The following MOB3B variants were observed in gnomAD, a reference collection of about 807,000 sequenced individuals.
MOB3B encodes the protein MOB kinase activator-like 2B.
MOB3B carries 7 observed loss-of-function variants against 18.7 expected under a neutral mutation model. That is an observed-to-expected ratio of 0.37 (90% CI 0.21 to 0.70). The LOEUF (loss-of-function observed/expected upper bound fraction) is 0.70. Ranked by LOEUF, MOB3B falls within the 30% of genes least tolerant of loss-of-function variation. The pLI is 0.52. For synonymous variants in MOB3B, 111 were observed against 99.9 expected (o/e 1.11, Z -0.66); for missense variants, 253 against 281.3 (o/e 0.90, Z 0.72).
intron 2 of MOB3B, among the ~76,000 whole-genome samples, chr9:27,370,689 T>C (rs1587162210): frequency 6.6e-6 from 1 of 152,106 alleles, no homozygotes; most frequent in Admixed American, 6.5e-5. Flanking sequence ...AAATAAACAT[T>C]TGTTGTTTAT....
At chr9:27,342,626 C>G (rs1192801147) in intron 3 of MOB3B, among the ~76,000 whole-genome samples, 1 of 152,206 alleles carries the variant, frequency 6.6e-6, no homozygotes, top group Non-Finnish European at 1.5e-5. Flanking sequence ...GCCGCCACAC[C>G]TGACTGGTTT....
At chr9:27,341,235 ACAT>A in intron 3 of MOB3B, among the ~76,000 whole-genome samples, 1 of 152,356 alleles carries the variant, frequency 6.6e-6, no homozygotes, top group South Asian at 2.1e-4. Flanking sequence ...ACTCTTAATG[ACAT>A]GCAAGAAACG....
At chr9:27,356,260 G>A (rs985266063) in intron 3 of MOB3B, among the ~76,000 whole-genome samples, 1 of 152,120 alleles carries the variant, frequency 6.6e-6, no homozygotes, top group Non-Finnish European at 1.5e-5. Context: ...GTATACTATT[G>A]CAAGCAAGAT....
intron 2 of MOB3B, among the ~76,000 whole-genome samples, chr9:27,427,906 C>T (rs754399761): frequency 2.0e-5 from 3 of 152,092 alleles, no homozygotes; most frequent in Non-Finnish European, 4.4e-5. Context: ...CCCACCTGGC[C>T]CTATCTTGCC....
At chr9:27,409,677 A>C (rs1282853685) in intron 2 of MOB3B, among the ~76,000 whole-genome samples, 1 of 152,250 alleles carries the variant, frequency 6.6e-6, no homozygotes, top group Non-Finnish European at 1.5e-5. Context: ...AAAAGGCAGA[A>C]ACAACCCAAA....
chr9:27,423,082 G>C (rs1287359070), intron 2 of MOB3B, among the ~76,000 whole-genome samples: 1 of 152,198 alleles, frequency 6.6e-6, no homozygotes, highest in Non-Finnish European at 1.5e-5. Context: ...TACATGGCAA[G>C]TCAGGATACT....
At chr9:27,497,451 A>T (rs1294847055) in intron 1 of MOB3B, among the ~76,000 whole-genome samples, 1 of 152,052 alleles carries the variant, frequency 6.6e-6, no homozygotes, top group Non-Finnish European at 1.5e-5. Context: ...ATTTAGTATT[A>T]TACAAATATA....
At chr9:27,507,711 G>A (rs956350795) in intron 1 of MOB3B, among the ~76,000 whole-genome samples, 2 of 152,236 alleles carry the variant, frequency 1.3e-5, no homozygotes, top group Non-Finnish European at 2.9e-5. Flanking sequence ...TAAGTCGAAA[G>A]AATCTCTAGG....
At chr9:27,444,108 G>A (rs1356919166) in intron 2 of MOB3B, among the ~76,000 whole-genome samples, 1 of 150,284 alleles carries the variant, frequency 6.7e-6, no homozygotes, top group African/African-American at 2.5e-5. Flanking sequence ...TGCAACCCCT[G>A]TCCTCTGGGA....
chr9:27,404,637 C>T (rs371813809), intron 2 of MOB3B, among the ~76,000 whole-genome samples: 21 of 152,130 alleles, frequency 1.4e-4, no homozygotes, highest in African/African-American at 3.9e-4. Context: ...GATTTACAGG[C>T]GTGATCCACT....
At chr9:27,351,890 G>A (rs1473184275) in intron 3 of MOB3B, among the ~76,000 whole-genome samples, 1 of 152,148 alleles carries the variant, frequency 6.6e-6, no homozygotes, top group Non-Finnish European at 1.5e-5. Context: ...CAAATCTTTG[G>A]TCTTCAAATT....
intron 3 of MOB3B, among the ~76,000 whole-genome samples, chr9:27,341,460 G>A (rs568536713): frequency 6.6e-6 from 1 of 152,328 alleles, no homozygotes; most frequent in Non-Finnish European, 1.5e-5. Flanking sequence ...CTTCCTCAGT[G>A]AGCCTGTAAT....
At chr9:27,374,284 G>A (rs980863457) in intron 2 of MOB3B, among the ~76,000 whole-genome samples, 3 of 151,418 alleles carry the variant, frequency 2.0e-5, no homozygotes, top group African/African-American at 7.3e-5. Context: ...TGATACAGGT[G>A]GTGAAGCTGG....
At chr9:27,422,027 G>T (rs1822260988) in intron 2 of MOB3B, among the ~76,000 whole-genome samples, 1 of 152,194 alleles carries the variant, frequency 6.6e-6, no homozygotes, top group African/African-American at 2.4e-5. Flanking sequence ...TGTGTCCTCA[G>T]TAAGTGTCAA....
rs578219879 is a variant in MOB3B at position 27,353,279 on chromosome 9, T to C, written c.621+5755A>G. Among the ~76,000 whole-genome samples the C allele has an allele frequency of 3.9e-5, 6 of 152,314 alleles. No individual in the cohort carries two copies. In the South Asian group the frequency reaches 1.2e-3, roughly 32 times the overall value. ...AATCAGAACTTGCATTTCAGCAAGATCCCTGGTGATTCACATGCACATTAA... is the reference window on the plus strand; with the variant it reads ...AATCAGAACTTGCATTTCAGCAAGACCCCTGGTGATTCACATGCACATTAA... On this transcript the variant is annotated intron_variant, in intron 3 of 3. Coordinates refer to ENST00000262244, the MANE Select transcript of MOB3B (RefSeq NM_024761.5).
chr9:27,332,341 A>G (rs1414393271), intron 3 of MOB3B, among the ~76,000 whole-genome samples: 1 of 152,232 alleles, frequency 6.6e-6, no homozygotes, highest in Admixed American at 6.5e-5. Flanking sequence ...TGGGAATACA[A>G]CAAGAGCATG....
At chr9:27,514,540 A>G (rs1820200769) in intron 1 of MOB3B, among the ~76,000 whole-genome samples, 1 of 152,178 alleles carries the variant, frequency 6.6e-6, no homozygotes, top group Admixed American at 6.5e-5. Context: ...TGAATTAAAG[A>G]GAGTTGTGTC....
chr9:27,521,841 G>C (rs547228029), intron 1 of MOB3B, among the ~76,000 whole-genome samples: 1 of 152,144 alleles, frequency 6.6e-6, no homozygotes, highest in Non-Finnish European at 1.5e-5. Flanking sequence ...AAATACTCTA[G>C]AGTAGAAATG....
intron 2 of MOB3B, among the ~76,000 whole-genome samples, chr9:27,454,312 C>T (rs768339042): frequency 6.6e-6 from 1 of 152,142 alleles, no homozygotes; most frequent in African/African-American, 2.4e-5. Flanking sequence ...TTCCATCATT[C>T]CACAAATATT....
Sources: gnomAD v4.1 joint callset for allele counts (sites outside exome capture counted in the v4.1 genomes callset) on GRCh38, gnomAD v4.1.1 for gene constraint, MANE v1.5 for transcripts, NCBI Gene and HGNC (gene_info 2026-07-23, HGNC 2026-07-21) for gene names.